Variants in PLCB1 observed in about 807,000 individuals in gnomAD.
PLCB1 encodes phospholipase C beta 1.
In PLCB1, 46 loss-of-function variants were observed where a neutral mutation model predicts 161.8. That is an observed-to-expected ratio of 0.28 (90% confidence interval 0.22 to 0.36). PLCB1 has a LOEUF of 0.36. Among genes scored for constraint, PLCB1 ranks in the 10% least tolerant of loss-of-function variants. The probability of loss-of-function intolerance (pLI) is 1.00; values close to 1 mark genes in which losing one functional copy is unlikely to be tolerated. For missense variants in PLCB1, 1,016 were observed against 1,472.5 expected (o/e 0.69, Z 5.07); for synonymous variants, 517 against 503.7 (o/e 1.03, Z -0.35).
intron 2 of PLCB1, among the ~76,000 whole-genome samples, chr20:8,349,318 A>T (rs1381230770): frequency 2.6e-5 from 4 of 152,202 alleles, no homozygotes; most frequent in Non-Finnish European, 5.9e-5. Flanking sequence ...TTTTAGGTTG[A>T]TATCTCAGTA....
At chr20:8,736,898 T>C in intron 19 of PLCB1, 130 bp from the exon 20 acceptor site, 1 of 674,938 alleles carries the variant, frequency 1.5e-6, no homozygotes, top group South Asian at 1.9e-5. Context: ...CTACTCTTGC[T>C]TCTATTCCAT....
chr20:8,581,317 T>G (rs1262163324), intron 3 of PLCB1, among the ~76,000 whole-genome samples: 2 of 152,154 alleles, frequency 1.3e-5, no homozygotes. Context: ...GCAGTTAGAC[T>G]GGAGCCCTGT....
At chr20:8,239,670 G>A (rs569304964) in intron 2 of PLCB1, among the ~76,000 whole-genome samples, 54 of 151,790 alleles carry the variant, frequency 3.6e-4, no homozygotes, top group South Asian at 2.9e-3. Context: ...ATAGGGTACT[G>A]AGTTTATTGG....
At chr20:8,510,901 G>A (rs920548108) in intron 3 of PLCB1, among the ~76,000 whole-genome samples, 1 of 151,992 alleles carries the variant, frequency 6.6e-6, no homozygotes, top group Admixed American at 6.6e-5. Context: ...TGTTTATGGG[G>A]TACAATGTGA....
chr20:8,259,916 T>C (rs1981609820), intron 2 of PLCB1, among the ~76,000 whole-genome samples: 1 of 152,100 alleles, frequency 6.6e-6, no homozygotes, highest in Admixed American at 6.6e-5. Flanking sequence ...CTAGTAATTT[T>C]TGGGTGTCTC....
chr20:8,601,025 G>C (rs1012681244), intron 3 of PLCB1, among the ~76,000 whole-genome samples: 5 of 151,280 alleles, frequency 3.3e-5, no homozygotes, highest in East Asian at 2.0e-4. Flanking sequence ...AGATGAACCC[G>C]GTACCTCAGA....
intron 19 of PLCB1, among the ~76,000 whole-genome samples, chr20:8,733,663 T>C (rs1193656629): frequency 6.6e-6 from 1 of 150,854 alleles, no homozygotes; most frequent in South Asian, 2.1e-4. Context: ...CGGGGAGGGA[T>C]AGCATTAGGA....
intron 3 of PLCB1, among the ~76,000 whole-genome samples, chr20:8,582,784 T>A (rs1158031167): frequency 6.6e-6 from 1 of 152,120 alleles, no homozygotes; most frequent in Non-Finnish European, 1.5e-5. Flanking sequence ...GGCTAGGAGT[T>A]CCAGACCAGC....
intron 2 of PLCB1, among the ~76,000 whole-genome samples, chr20:8,207,554 A>G (rs1388879495): frequency 6.6e-6 from 1 of 151,856 alleles, no homozygotes; most frequent in Non-Finnish European, 1.5e-5. Context: ...CCATTGCCCC[A>G]TTTTGTTCCT....
At chr20:8,540,102 T>C (rs1985249013) in intron 3 of PLCB1, among the ~76,000 whole-genome samples, 1 of 152,198 alleles carries the variant, frequency 6.6e-6, no homozygotes, top group Admixed American at 6.5e-5. Flanking sequence ...AAGAATGATA[T>C]CAATTTTTCA....
At chr20:8,511,487 G>A (rs1266046199) in intron 3 of PLCB1, among the ~76,000 whole-genome samples, 1 of 152,158 alleles carries the variant, frequency 6.6e-6, no homozygotes, top group African/African-American at 2.4e-5. Context: ...GAACATAGGA[G>A]AGTGGATATT....
intron 26 of PLCB1, among the ~76,000 whole-genome samples, chr20:8,769,091 G>T (rs1982531612): frequency 6.6e-6 from 1 of 152,052 alleles, no homozygotes; most frequent in African/African-American, 2.4e-5. Context: ...AAATGCAGTG[G>T]ATTTAAATTT....
intron 2 of PLCB1, among the ~76,000 whole-genome samples, chr20:8,212,661 C>A (rs6055655): frequency 2.9e-4 from 44 of 152,204 alleles, no homozygotes; most frequent in Non-Finnish European, 4.7e-4. Context: ...ATCTCTACAA[C>A]TTCAGACCTT....
At chr20:8,408,018 T>C (rs1410631107) in intron 3 of PLCB1, among the ~76,000 whole-genome samples, 2 of 152,136 alleles carry the variant, frequency 1.3e-5, no homozygotes, top group Admixed American at 1.3e-4. Context: ...GTATCCTAAA[T>C]GGGATCCTGG....
chr20:8,723,441 T>C (rs918040243), intron 15 of PLCB1, among the ~76,000 whole-genome samples: 3 of 152,178 alleles, frequency 2.0e-5, no homozygotes, highest in African/African-American at 7.2e-5. Context: ...GCATTCTCTC[T>C]TCTAAAAATG....
intron 1 of PLCB1, among the ~76,000 whole-genome samples, chr20:8,134,934 TGCAG>T (rs936145779): frequency 1.3e-4 from 20 of 152,104 alleles, no homozygotes; most frequent in Admixed American, 3.3e-4. Flanking sequence ...TGAGCTATCT[TGCAG>T]GCTCTTTGGT....
At chr20:8,463,668 A>G (rs1407027123) in intron 3 of PLCB1, among the ~76,000 whole-genome samples, 1 of 152,158 alleles carries the variant, frequency 6.6e-6, no homozygotes, top group Non-Finnish European at 1.5e-5. Flanking sequence ...GCTTGAAATT[A>G]TATACTTCAC....
chr20:8,701,198 A>G (rs1054883021), intron 11 of PLCB1, among the ~76,000 whole-genome samples: 3 of 152,182 alleles, frequency 2.0e-5, no homozygotes, highest in Non-Finnish European at 4.4e-5. Flanking sequence ...AAGAGTAAGA[A>G]GAGAAACAGG....
chr20:8,484,707 T>A (rs1982649819), intron 3 of PLCB1, among the ~76,000 whole-genome samples: 1 of 152,244 alleles, frequency 6.6e-6, no homozygotes, highest in Non-Finnish European at 1.5e-5. Context: ...GATGCTCTCC[T>A]TGACCACCTT....
Sources: gnomAD v4.1 joint callset for allele counts (sites outside exome capture counted in the v4.1 genomes callset) on GRCh38, gnomAD v4.1.1 for gene constraint, MANE v1.5 for transcripts, NCBI Gene and HGNC (gene_info 2026-07-23, HGNC 2026-07-21) for gene names.